The following PAG1 variants were observed in gnomAD, a reference collection of about 807,000 sequenced individuals.
PAG1 encodes phosphoprotein membrane anchor with glycosphingolipid microdomains 1, also known as phosphoprotein associated with glycosphingolipid-enriched microdomains 1.
A neutral mutation model predicts 31.7 loss-of-function variants in PAG1; 23 were observed. The observed-to-expected ratio is 0.73, with a 90% CI of 0.52 to 1.03. The LOEUF is 1.03. PAG1 is among the 50% of genes least tolerant of loss of function. The probability of loss-of-function intolerance (pLI) is 0.00; values close to 1 mark genes in which losing one functional copy is unlikely to be tolerated. For synonymous variants in PAG1, 214 were observed against 210.3 expected (o/e 1.02, Z -0.15); for missense variants, 473 against 540.7 (o/e 0.87, Z 1.24).
chr8:81,053,830 T>C (rs1808771131), intron 2 of PAG1, among the ~76,000 whole-genome samples: 1 of 152,088 alleles, frequency 6.6e-6, no homozygotes, highest in Admixed American at 6.5e-5. Flanking sequence ...TGGCTAAATT[T>C]AGGAATCAAG....
intron 2 of PAG1, among the ~76,000 whole-genome samples, chr8:81,042,810 G>T (rs1563640306): frequency 6.6e-6 from 1 of 152,108 alleles, no homozygotes; most frequent in Non-Finnish European, 1.5e-5. Flanking sequence ...TATGTAATTT[G>T]TGGATCACTA....
intron 3 of PAG1, among the ~76,000 whole-genome samples, chr8:81,008,387 C>A (rs1405077853): frequency 6.6e-6 from 1 of 151,888 alleles, no homozygotes; most frequent in Non-Finnish European, 1.5e-5. Context: ...TAATTAAGAA[C>A]AATGTAAGGT....
intron 2 of PAG1, among the ~76,000 whole-genome samples, chr8:81,052,210 C>T (rs1171879073): frequency 1.3e-5 from 2 of 151,722 alleles, no homozygotes; most frequent in Admixed American, 6.6e-5. Context: ...AAAGTAGTTT[C>T]CAAATTTTCA....
intron 2 of PAG1, among the ~76,000 whole-genome samples, chr8:81,042,074 G>A (rs1808562820): frequency 6.6e-6 from 1 of 152,192 alleles, no homozygotes. Flanking sequence ...GCTAACTTCT[G>A]TGATTCTTCA....
At chr8:81,097,675 G>A (rs1378627272) in intron 1 of PAG1, among the ~76,000 whole-genome samples, 1 of 149,694 alleles carries the variant, frequency 6.7e-6, no homozygotes, top group African/African-American at 2.5e-5. Flanking sequence ...TTCAGACAGA[G>A]ATTTTGGTGG....
intron 2 of PAG1, among the ~76,000 whole-genome samples, chr8:81,060,907 A>T (rs1808906941): frequency 6.6e-6 from 1 of 152,222 alleles, no homozygotes; most frequent in African/African-American, 2.4e-5. Context: ...TGCTTGTGTT[A>T]ACCTGACATG....
chr8:81,093,032 G>T (rs1809473214), intron 1 of PAG1, among the ~76,000 whole-genome samples: 1 of 152,154 alleles, frequency 6.6e-6, no homozygotes. Context: ...ACATATTACT[G>T]CACTTAAAAA....
intron 1 of PAG1, among the ~76,000 whole-genome samples, chr8:81,097,725 A>G (rs1417479932): frequency 6.8e-6 from 1 of 146,878 alleles, no homozygotes; most frequent in African/African-American, 2.5e-5. Flanking sequence ...AAAAAAAAAA[A>G]GAAGTAATAA....
At position 80,985,095 on chromosome 8, in the gene PAG1, T is replaced by A. The variant is rs1321628779; in HGVS notation, c.557A>T (p.Glu186Val). 1.2e-6 allele frequency: 2 copies of A among 1,614,138 alleles called. No homozygotes were observed. The highest frequency in any genetic ancestry group is 3.3e-5 in the Admixed American group (2 of 60,010). Residue 186 changes from glutamate (E) to valine (V), a missense_variant, in exon 7 of 9, where the codon GAG (glutamate) becomes GTG (valine). Glu to Val is a moderately radical substitution (Grantham distance 121). Coordinates refer to ENST00000220597, the MANE Select transcript of PAG1 (RefSeq NM_018440.4). ...VEDCLYETVK[E>V]IKEVAAAAHL... ...TGCAGCTGCAGCCACCTCCTTGATC[T>A]CTTTCACAGTTTCATACAAGCAGTC...
intron 3 of PAG1, among the ~76,000 whole-genome samples, chr8:81,026,093 C>T (rs530045901): frequency 1.3e-5 from 2 of 152,202 alleles, no homozygotes; most frequent in Non-Finnish European, 2.9e-5. Context: ...TTTGGTAAAA[C>T]AGGAATGTTA....
chr8:81,055,501 C>A (rs998542148), intron 2 of PAG1, among the ~76,000 whole-genome samples: 6 of 151,906 alleles, frequency 3.9e-5, no homozygotes, highest in African/African-American at 1.4e-4. Flanking sequence ...AAGAAAGTCA[C>A]TGGTAGCTTG....
intron 2 of PAG1, among the ~76,000 whole-genome samples, chr8:81,064,738 ATCT>A (rs944377761): frequency 2.6e-5 from 4 of 152,136 alleles, no homozygotes; most frequent in African/African-American, 9.7e-5. Context: ...AGTTCTTACG[ATCT>A]TCTCAAGACA....
chr8:81,030,613 C>T (rs578127705), intron 2 of PAG1, among the ~76,000 whole-genome samples: 300 of 152,328 alleles, frequency 2.0e-3, no homozygotes, highest in Non-Finnish European at 3.7e-3. Context: ...GATCTAGCCC[C>T]GAGTTGTCCC....
chr8:80,986,803 T>C (rs1232570340), intron 6 of PAG1, among the ~76,000 whole-genome samples: 1 of 93,332 alleles, frequency 1.1e-5, no homozygotes, highest in Non-Finnish European at 2.0e-5. Flanking sequence ...TATAAGTGAA[T>C]AGGGAGGGGG....
At chr8:81,082,246 C>CT (rs1809279671) in intron 1 of PAG1, among the ~76,000 whole-genome samples, 1 of 112,592 alleles carries the variant, frequency 8.9e-6, no homozygotes, top group African/African-American at 3.9e-5. Flanking sequence ...GAGTGAGACT[C>CT]TGTCTCAAAA....
chr8:81,069,912 C>T (rs948240972), intron 2 of PAG1, among the ~76,000 whole-genome samples, 200 bp downstream of exon 2: 2 of 152,202 alleles, frequency 1.3e-5, no homozygotes, highest in African/African-American at 2.4e-5. Flanking sequence ...TGGTTTCTAT[C>T]GCAGAAGACC....
chr8:81,079,460 G>A (rs957720481), intron 1 of PAG1, among the ~76,000 whole-genome samples: 5 of 152,140 alleles, frequency 3.3e-5, no homozygotes, highest in Non-Finnish European at 7.4e-5. Context: ...ACTCTGTAAC[G>A]AGAATGTGCT....
chr8:81,084,380 T>C (rs1285684546), intron 1 of PAG1, among the ~76,000 whole-genome samples: 1 of 144,290 alleles, frequency 6.9e-6, no homozygotes, highest in African/African-American at 3.0e-5. Flanking sequence ...AAAGTTTACA[T>C]AAAATCAATT....
At chr8:81,016,139 C>A (rs1808068632) in intron 3 of PAG1, among the ~76,000 whole-genome samples, 1 of 152,228 alleles carries the variant, frequency 6.6e-6, no homozygotes, top group African/African-American at 2.4e-5. Flanking sequence ...ATGAGCCCAA[C>A]TGAGACCAGA....
Sources: allele counts gnomAD v4.1 joint callset (sites outside exome capture counted in the v4.1 genomes callset), GRCh38; gene constraint gnomAD v4.1.1; transcripts MANE v1.5; gene names NCBI Gene and HGNC (gene_info 2026-07-23, HGNC 2026-07-21).